Variants in MAF observed in about 807,000 individuals in gnomAD.
The protein encoded by MAF is transcription factor Maf.
MAF carries 10 observed loss-of-function variants against 22.0 expected under a neutral mutation model. That is an observed-to-expected ratio of 0.45 (90% CI 0.28 to 0.77). The LOEUF (loss-of-function observed/expected upper bound fraction) is 0.77, where lower values mean the gene tolerates loss of function less well. MAF is among the 30% of genes least tolerant of loss of function. MAF has a pLI of 0.12. For synonymous variants in MAF, 337 were observed against 255.8 expected (o/e 1.32, Z -3.03); for missense variants, 544 against 548.4 (o/e 0.99, Z 0.08).
At chr16:79,462,165 T>C in the MAF span, among the ~76,000 whole-genome samples, 1 of 152,202 alleles carries the variant, frequency 6.6e-6, no homozygotes, top group Non-Finnish European at 1.5e-5. Flanking sequence ...CCGATAATAA[T>C]GGCCACAATG....
chr16:79,594,442 A>G lies in MAF; in HGVS notation c.*18T>C. The G allele has an allele frequency of 6.4e-7, 1 of 1,550,454 alleles. No homozygotes were observed. Among genetic ancestry groups the G allele is most frequent in the Non-Finnish European group, 8.7e-7 (1 of 1,145,144 alleles). On this transcript the variant is annotated 3_prime_UTR_variant, in exon 2 of 2. Coordinates refer to ENST00000326043, the MANE Select transcript of MAF (RefSeq NM_005360.5). Reference sequence around the variant, plus strand: ...TAATAATGATGATTTTTTTTAATGTACAGCTCTCACACAAATTTCATTTTG... The same window carrying G: ...TAATAATGATGATTTTTTTTAATGTGCAGCTCTCACACAAATTTCATTTTG...
chr16:79,370,455 G>A, the MAF span, among the ~76,000 whole-genome samples: 1 of 152,162 alleles, frequency 6.6e-6, no homozygotes, highest in African/African-American at 2.4e-5. Context: ...CCACAGTTAA[G>A]CTTACTCAAA....
chr16:79,588,295 G>A lies in MAF; in HGVS notation c.1119-2354C>T, dbSNP rs1368978449. Among the ~76,000 whole-genome samples the A allele has an allele frequency of 5.3e-5, 8 of 152,294 alleles. No homozygotes were observed. In the East Asian group the frequency reaches 9.7e-4, roughly 18 times the overall value. ...CAAAGGGAGCTTACCTGCCTTTTACGTGGGAAGATTGCCCTAAGACAGCAG... is the reference window on the plus strand; with the variant it reads ...CAAAGGGAGCTTACCTGCCTTTTACATGGGAAGATTGCCCTAAGACAGCAG... On this transcript the variant is annotated intron_variant, in intron 1 of 1. Transcript: ENST00000569649.
chr16:79,335,691 A>G, the MAF span, among the ~76,000 whole-genome samples: 1 of 152,206 alleles, frequency 6.6e-6, no homozygotes, highest in African/African-American at 2.4e-5. Context: ...GTTTCCATGA[A>G]GGGCAAATTC....
At chr16:79,265,335 G>C in the MAF span, among the ~76,000 whole-genome samples, 2 of 152,120 alleles carry the variant, frequency 1.3e-5, no homozygotes, top group African/African-American at 4.8e-5. Context: ...AATTCTCTTA[G>C]TGTTTTCACT....
At chr16:79,389,499 T>C in the MAF span, among the ~76,000 whole-genome samples, 1 of 152,190 alleles carries the variant, frequency 6.6e-6, no homozygotes, top group Non-Finnish European at 1.5e-5. Context: ...TGACCTCAAG[T>C]GATCCACCTG....
chr16:79,250,285 A>G, the MAF span, among the ~76,000 whole-genome samples: 1 of 152,220 alleles, frequency 6.6e-6, no homozygotes, highest in Non-Finnish European at 1.5e-5. Flanking sequence ...TCCAAACAAA[A>G]GAGGACTTCT....
chr16:79,549,674 G>C, the MAF span, among the ~76,000 whole-genome samples: 2 of 152,136 alleles, frequency 1.3e-5, no homozygotes, highest in African/African-American at 2.4e-5. Flanking sequence ...TTGTCTGTCC[G>C]AAGCCTGACA....
At chr16:79,302,110 A>T in the MAF span, among the ~76,000 whole-genome samples, 1 of 152,082 alleles carries the variant, frequency 6.6e-6, no homozygotes, top group South Asian at 2.1e-4. Context: ...GCCTTCCTAC[A>T]CCTGGGGTCT....
the MAF span, among the ~76,000 whole-genome samples, chr16:79,279,789 T>A: frequency 2.6e-5 from 4 of 152,300 alleles, no homozygotes; most frequent in Middle Eastern, 3.4e-3. Flanking sequence ...TTCTTTTATA[T>A]ATTTTTTTAA....
the MAF span, among the ~76,000 whole-genome samples, chr16:79,381,870 C>T: frequency 2.0e-5 from 3 of 152,142 alleles, no homozygotes; most frequent in African/African-American, 7.2e-5. Context: ...TTGAACTCAA[C>T]CTGCGCCTTG....
the MAF span, among the ~76,000 whole-genome samples, chr16:79,353,365 G>A: frequency 5.3e-5 from 8 of 152,190 alleles, no homozygotes; most frequent in Admixed American, 3.9e-4. Flanking sequence ...CGAAGCTCAA[G>A]TGATCCGCCT....
At chr16:79,254,644 C>A in the MAF span, among the ~76,000 whole-genome samples, 1 of 152,140 alleles carries the variant, frequency 6.6e-6, no homozygotes, top group Non-Finnish European at 1.5e-5. Context: ...TATTGACTTT[C>A]TGCTTCTTCT....
the MAF span, among the ~76,000 whole-genome samples, chr16:79,500,182 G>A: frequency 1.3e-5 from 2 of 152,156 alleles, no homozygotes; most frequent in Non-Finnish European, 2.9e-5. Flanking sequence ...GTTGGCTTAG[G>A]CCACCCAGTT....
chr16:79,345,166 G>C, the MAF span, among the ~76,000 whole-genome samples: 1 of 151,236 alleles, frequency 6.6e-6, no homozygotes, highest in Non-Finnish European at 1.5e-5. Flanking sequence ...CTAACCTGCT[G>C]AATGATTTGT....
At position 79,600,378 on chromosome 16, in the gene MAF, G is replaced by C. The variant is rs949170829; in HGVS notation, c.-476C>G. Reference sequence around the variant, plus strand: ...GGCAGGGCGCGCGCGGCGTCCGCTCGGGGCTGGAGGCGCGGCGGGCGTCTG... The same window carrying C: ...GGCAGGGCGCGCGCGGCGTCCGCTCCGGGCTGGAGGCGCGGCGGGCGTCTG... On this transcript the variant is annotated 5_prime_UTR_variant, in exon 1 of 2. Coordinates refer to ENST00000326043, the MANE Select transcript of MAF (RefSeq NM_005360.5). 1 of 197,320 alleles carries C rather than the reference G, an allele frequency of 5.1e-6. No homozygotes were observed. Among genetic ancestry groups the C allele is most frequent in the Non-Finnish European group, 1.2e-5 (1 of 86,708 alleles). The allele number at this position is 197,320 out of a possible 1,614,324, so 12.2% of individuals were successfully genotyped here. A position where few individuals can be genotyped will look rare whatever the true frequency, so the allele number is the denominator to read the frequency against.
At chr16:79,267,298 T>G in the MAF span, among the ~76,000 whole-genome samples, 2 of 152,202 alleles carry the variant, frequency 1.3e-5, no homozygotes, top group African/African-American at 4.8e-5. Context: ...AGCTAGCACT[T>G]GCAGTTAGAT....
the MAF span, among the ~76,000 whole-genome samples, chr16:79,221,907 T>A: frequency 6.6e-6 from 1 of 152,232 alleles, no homozygotes; most frequent in Non-Finnish European, 1.5e-5. Context: ...ACTGCTTTGT[T>A]TTTGTCTTTG....
At chr16:79,528,761 T>C in the MAF span, among the ~76,000 whole-genome samples, 1 of 152,084 alleles carries the variant, frequency 6.6e-6, no homozygotes, top group Admixed American at 6.5e-5. Flanking sequence ...TCTCACAGAG[T>C]AATCCAAAAC....
Sources: gnomAD v4.1 joint callset for allele counts (sites outside exome capture counted in the v4.1 genomes callset) on GRCh38, gnomAD v4.1.1 for gene constraint, MANE v1.5 for transcripts, NCBI Gene and HGNC (gene_info 2026-07-23, HGNC 2026-07-21) for gene names.